LYPLAL1: variants seen among roughly 807,000 people sequenced by gnomAD.
LYPLAL1 encodes the protein lysophospholipase like 1, also known as lysophospholipase-like protein 1.
A neutral mutation model predicts 19.7 loss-of-function variants in LYPLAL1; 23 were observed. The observed-to-expected ratio is 1.17, with a 90% CI of 0.84 to 1.65. The LOEUF (loss-of-function observed/expected upper bound fraction) is 1.65. Among genes scored for constraint, LYPLAL1 ranks in the 40% most tolerant of loss-of-function variants. LYPLAL1 has a pLI of 0.00. For missense variants in LYPLAL1, 355 were observed against 279.4 expected (o/e 1.27, Z -1.93); for synonymous variants, 119 against 96.3 (o/e 1.24, Z -1.38).
chr1:219,260,877 T>A, the LYPLAL1 span, among the ~76,000 whole-genome samples: 6 of 151,804 alleles, frequency 4.0e-5, no homozygotes, highest in African/African-American at 1.4e-4. Flanking sequence ...CCAAATTTTT[T>A]ATCCTAATCA....
chr1:219,346,334 G>A, the LYPLAL1 span, among the ~76,000 whole-genome samples: 17 of 152,148 alleles, frequency 1.1e-4, no homozygotes, highest in Non-Finnish European at 2.1e-4. Flanking sequence ...AGGAATTAGG[G>A]ACAAGTAAGG....
the LYPLAL1 span, among the ~76,000 whole-genome samples, chr1:219,396,376 C>T: frequency 6.6e-6 from 1 of 152,062 alleles, no homozygotes; most frequent in East Asian, 1.9e-4. Context: ...GTGATGCCTC[C>T]AGTTTTGTTC....
chr1:219,445,159 G>C, the LYPLAL1 span, among the ~76,000 whole-genome samples: 17 of 151,628 alleles, frequency 1.1e-4, no homozygotes, highest in African/African-American at 3.1e-4. Flanking sequence ...TGATTGGGAA[G>C]ACCTGTTCCT....
At chr1:219,443,135 C>G in the LYPLAL1 span, among the ~76,000 whole-genome samples, 1 of 151,596 alleles carries the variant, frequency 6.6e-6, no homozygotes, top group African/African-American at 2.4e-5. Flanking sequence ...ATGATCGATA[C>G]TTTCTTCATG....
the LYPLAL1 span, among the ~76,000 whole-genome samples, chr1:219,414,643 C>T: frequency 2.6e-5 from 4 of 152,140 alleles, no homozygotes; most frequent in East Asian, 7.7e-4. Flanking sequence ...GCTTTTATTT[C>T]GTGGTTTTAA....
chr1:219,440,014 C>CACATATATATATATAT, the LYPLAL1 span, among the ~76,000 whole-genome samples: 2 of 74,120 alleles, frequency 2.7e-5, no homozygotes, highest in African/African-American at 1.3e-4. Flanking sequence ...TATATATATA[C>CACATATATATATATAT]ACACACACAC....
At chr1:219,383,768 A>G in the LYPLAL1 span, among the ~76,000 whole-genome samples, 22 of 152,346 alleles carry the variant, frequency 1.4e-4, no homozygotes, top group Non-Finnish European at 2.9e-4. Context: ...ATCAGTGTGT[A>G]TTTATCGTGA....
At chr1:219,332,642 T>C in the LYPLAL1 span, among the ~76,000 whole-genome samples, 2 of 152,138 alleles carry the variant, frequency 1.3e-5, no homozygotes, top group Non-Finnish European at 2.9e-5. Context: ...TATGGTACTT[T>C]TATTGCACAG....
the LYPLAL1 span, among the ~76,000 whole-genome samples, chr1:219,267,181 A>T: frequency 6.6e-6 from 1 of 152,136 alleles, no homozygotes; most frequent in Admixed American, 6.6e-5. Flanking sequence ...CCTAGGAGGA[A>T]TCTTCTTGAG....
chr1:219,336,214 A>G, the LYPLAL1 span, among the ~76,000 whole-genome samples: 1 of 151,744 alleles, frequency 6.6e-6, no homozygotes, highest in African/African-American at 2.4e-5. Context: ...TACACCAGCT[A>G]ATTTTGGAGG....
At chr1:219,227,180 C>T in the LYPLAL1 span, among the ~76,000 whole-genome samples, 2 of 152,154 alleles carry the variant, frequency 1.3e-5, no homozygotes, top group Non-Finnish European at 2.9e-5. Context: ...TTTTGGTAAG[C>T]AACGCAGACG....
the LYPLAL1 span, among the ~76,000 whole-genome samples, chr1:219,430,758 G>A: frequency 6.6e-6 from 1 of 152,172 alleles, no homozygotes; most frequent in Non-Finnish European, 1.5e-5. Context: ...CTTAAAGGAG[G>A]TATACTGTCC....
At chr1:219,252,645 TG>T in the LYPLAL1 span, among the ~76,000 whole-genome samples, 4 of 152,138 alleles carry the variant, frequency 2.6e-5, no homozygotes, top group Non-Finnish European at 4.4e-5. Context: ...TACCTGATGA[TG>T]GTGGATTACT....
the LYPLAL1 span, among the ~76,000 whole-genome samples, chr1:219,232,478 A>G: frequency 1.1e-4 from 17 of 152,190 alleles, no homozygotes; most frequent in Non-Finnish European, 2.4e-4. Flanking sequence ...GGATTTGGCA[A>G]TGATTTCTTG....
chr1:219,408,409 G>A, the LYPLAL1 span, among the ~76,000 whole-genome samples: 6 of 152,130 alleles, frequency 3.9e-5, no homozygotes, highest in Non-Finnish European at 8.8e-5. Flanking sequence ...GGAGGAAGTG[G>A]CTATGCATGG....
chr1:219,227,132 A>T, the LYPLAL1 span, among the ~76,000 whole-genome samples: 1 of 152,260 alleles, frequency 6.6e-6, no homozygotes, highest in Admixed American at 6.5e-5. Context: ...AATTAATTCA[A>T]TGAACATTTA....
the LYPLAL1 span, among the ~76,000 whole-genome samples, chr1:219,225,831 G>A: frequency 6.6e-6 from 1 of 152,136 alleles, no homozygotes; most frequent in African/African-American, 2.4e-5. Context: ...CCATGTTACA[G>A]TGCATATGCA....
chr1:219,239,225 TA>T, the LYPLAL1 span, among the ~76,000 whole-genome samples: 5 of 152,106 alleles, frequency 3.3e-5, no homozygotes, highest in Non-Finnish European at 7.4e-5. Flanking sequence ...AATTATAAAA[TA>T]AATGAGAGAG....
chr1:219,263,598 T>C, the LYPLAL1 span, among the ~76,000 whole-genome samples: 1 of 152,158 alleles, frequency 6.6e-6, no homozygotes, highest in African/African-American at 2.4e-5. Flanking sequence ...TCTTTCACCC[T>C]GTGATCCCTC....
Sources: gnomAD v4.1 joint callset for allele counts (sites outside exome capture counted in the v4.1 genomes callset) on GRCh38, gnomAD v4.1.1 for gene constraint, MANE v1.5 for transcripts, NCBI Gene and HGNC (gene_info 2026-07-23, HGNC 2026-07-21) for gene names.